Variants in PTPN14 observed in about 807,000 individuals in gnomAD.
The protein encoded by PTPN14 is protein tyrosine phosphatase non-receptor type 14, also known as tyrosine-protein phosphatase non-receptor type 14.
PTPN14 carries 53 observed loss-of-function variants against 126.8 expected under a neutral mutation model. That is an observed-to-expected ratio of 0.42 (90% confidence interval 0.34 to 0.53). PTPN14 has a LOEUF of 0.53. PTPN14 is among the 20% of genes least tolerant of loss of function. The pLI, the probability that PTPN14 is intolerant of heterozygous loss-of-function variation, is 0.08. For missense variants in PTPN14, 1,257 were observed against 1,552.9 expected (o/e 0.81, Z 3.20); for synonymous variants, 630 against 599.3 (o/e 1.05, Z -0.75).
At chr1:214,435,057 T>C (rs1285509273) in intron 3 of PTPN14, among the ~76,000 whole-genome samples, 1 of 152,252 alleles carries the variant, frequency 6.6e-6, no homozygotes, top group African/African-American at 2.4e-5. Flanking sequence ...AGGCTGCATG[T>C]GGCCCGCAGG....
chr1:214,381,053 T>G (rs865797634), intron 13 of PTPN14, among the ~76,000 whole-genome samples: 2 of 152,212 alleles, frequency 1.3e-5, no homozygotes, highest in African/African-American at 4.8e-5. Context: ...AATTTGCTAG[T>G]CATTATTACC....
At chr1:214,427,525 T>C (rs1382104770) in intron 3 of PTPN14, among the ~76,000 whole-genome samples, 1 of 152,158 alleles carries the variant, frequency 6.6e-6, no homozygotes, top group Non-Finnish European at 1.5e-5. Flanking sequence ...ATTTATTCAT[T>C]CATATTTGAC....
intron 18 of PTPN14, among the ~76,000 whole-genome samples, chr1:214,359,582 C>T (rs888598920): frequency 1.3e-5 from 2 of 151,872 alleles, no homozygotes; most frequent in Non-Finnish European, 2.9e-5. Context: ...TGCAGTGGTG[C>T]GATCATAACT....
chr1:214,495,663 T>TTTATTTA (rs1661346475), intron 1 of PTPN14, among the ~76,000 whole-genome samples: 1 of 3,634 alleles, frequency 2.8e-4, no homozygotes, highest in Non-Finnish European at 7.7e-4. Flanking sequence ...ATTTTATTTT[T>TTTATTTA]TTTATTTATT....
intron 3 of PTPN14, among the ~76,000 whole-genome samples, chr1:214,435,187 A>G (rs1428855944): frequency 6.6e-6 from 1 of 152,036 alleles, no homozygotes; most frequent in African/African-American, 2.4e-5. Context: ...AATTATTTAT[A>G]TATTGGGCCA....
chr1:214,379,101 A>G (rs1417744045), intron 13 of PTPN14, among the ~76,000 whole-genome samples: 4 of 152,162 alleles, frequency 2.6e-5, no homozygotes, highest in Non-Finnish European at 4.4e-5. Flanking sequence ...TCCTAAAATT[A>G]AGTGTGTCTT....
chr1:214,379,312 G>C (rs992879599), intron 13 of PTPN14, among the ~76,000 whole-genome samples: 1 of 152,280 alleles, frequency 6.6e-6, no homozygotes, highest in East Asian at 1.9e-4. Context: ...TCACTCCCCA[G>C]GAAGAGGTCT....
At chr1:214,477,165 C>T (rs79426008) in intron 1 of PTPN14, among the ~76,000 whole-genome samples, 3,037 of 152,196 alleles carry the variant, frequency 0.02, 92 homozygotes, top group African/African-American at 0.069. Flanking sequence ...TAGTGTATAA[C>T]GCAATCACTT....
intron 1 of PTPN14, among the ~76,000 whole-genome samples, chr1:214,527,258 A>G (rs941859076): frequency 6.6e-6 from 1 of 152,240 alleles, no homozygotes; most frequent in African/African-American, 2.4e-5. Context: ...GTGCAGGCAG[A>G]GGTTTCTACA....
In PTPN14 at chr1:214,384,919, C is replaced by A; in HGVS notation, c.1067-131G>T. 9.5e-7 allele frequency: 1 copy of A among 1,054,152 alleles called. No homozygotes were observed. Among genetic ancestry groups the A allele is most frequent in the Non-Finnish European group, 1.4e-6 (1 of 735,720 alleles). 65.3% of individuals were successfully genotyped at this position (1,054,152 alleles called of 1,614,324 possible). Reference sequence around the variant, plus strand: ...AGTGAAATCCCATGGTCTCCACCCACATGTTCTATAGAATAACAGATACTA... The same window carrying A: ...AGTGAAATCCCATGGTCTCCACCCAAATGTTCTATAGAATAACAGATACTA... On this transcript the variant is annotated intron_variant, in intron 12 of 18. Coordinates refer to ENST00000366956, the MANE Select transcript of PTPN14 (RefSeq NM_005401.5). The surrounding 1 kb of genome is among the most constrained non-coding windows in gnomAD (Gnocchi z 5.3).
At chr1:214,365,615 T>A (rs1658062808) in intron 17 of PTPN14, among the ~76,000 whole-genome samples, 1 of 152,164 alleles carries the variant, frequency 6.6e-6, no homozygotes, top group Admixed American at 6.5e-5. Flanking sequence ...AATGTTTACA[T>A]TGTTGAAGAG....
At chr1:214,451,728 C>A in intron 3 of PTPN14, 77 bp downstream of exon 3, 1 of 1,515,810 alleles carries the variant, frequency 6.6e-7, no homozygotes, top group South Asian at 1.3e-5. Context: ...CCTAAATCTA[C>A]CAGCTCATCT....
intron 1 of PTPN14, among the ~76,000 whole-genome samples, chr1:214,472,457 T>A (rs1660780725): frequency 6.6e-6 from 1 of 152,184 alleles, no homozygotes; most frequent in African/African-American, 2.4e-5. Context: ...CATGAGCCAA[T>A]TCAATCCCTT....
At chr1:214,419,710 C>T (rs1659501388) in intron 3 of PTPN14, among the ~76,000 whole-genome samples, 1 of 152,064 alleles carries the variant, frequency 6.6e-6, no homozygotes, top group Admixed American at 6.6e-5. Flanking sequence ...GGAAAAGAGA[C>T]AAGTAGTCCT....
chr1:214,391,972 C>T (rs1392899954), intron 10 of PTPN14, among the ~76,000 whole-genome samples: 1 of 152,158 alleles, frequency 6.6e-6, no homozygotes, highest in African/African-American at 2.4e-5. Context: ...TTGAGCTATA[C>T]CTCCAGATGA....
At position 214,383,639 on chromosome 1, in the gene PTPN14, G is replaced by A. The variant is rs774165865; in HGVS notation, c.2216C>T (p.Ala739Val). Residue 739 changes from alanine (A) to valine (V), a missense_variant, in exon 13 of 19, where the codon GCG becomes GTG. Transcript: ENST00000366956. The surrounding 1 kb of genome is among the most constrained non-coding windows in gnomAD (Gnocchi z 4.4). ...CTTGTTGGGGATGCGGGCCAGGGCC[G>A]CCTGCAGCTGGGCACTGTACTCCAT... ...EKMEYSAQLQ[A>V]ALARIPNKPP... 38 of 1,613,146 alleles carry A rather than the reference G, an allele frequency of 2.4e-5. No homozygotes were observed. The South Asian group carries it at 3.3e-4, about 14-fold the overall frequency.
intron 7 of PTPN14, among the ~76,000 whole-genome samples, chr1:214,398,613 A>ATTTTTT (rs56339386): frequency 0.16 from 16,883 of 108,344 alleles, 1,866 homozygotes; most frequent in Non-Finnish European, 0.19. Flanking sequence ...TGCCCTGCTA[A>ATTTTTT]TTTTTTTTTT....
chr1:214,535,211 C>T (rs1655673114), intron 1 of PTPN14, among the ~76,000 whole-genome samples: 4 of 152,150 alleles, frequency 2.6e-5, no homozygotes, highest in Admixed American at 2.6e-4. Flanking sequence ...ATCTATATCG[C>T]CACATCTTTT....
intron 16 of PTPN14, 104 bp downstream of exon 16, chr1:214,372,607 C>A: frequency 6.6e-7 from 1 of 1,521,022 alleles, no homozygotes; most frequent in Non-Finnish European, 9.1e-7. Flanking sequence ...AGAAACAGCA[C>A]TGCAGGAAGA....
Sources: allele counts gnomAD v4.1 joint callset (sites outside exome capture counted in the v4.1 genomes callset), GRCh38; gene constraint gnomAD v4.1.1; non-coding constraint Gnocchi (gnomAD v3.1); transcripts MANE v1.5; gene names NCBI Gene and HGNC (gene_info 2026-07-23, HGNC 2026-07-21).